The following ALPK2 variants were observed in gnomAD, a reference collection of about 807,000 sequenced individuals.
The protein encoded by ALPK2 is alpha kinase 2.
ALPK2 carries 127 observed loss-of-function variants against 163.1 expected under a neutral mutation model. That is an observed-to-expected ratio of 0.78 (90% CI 0.67 to 0.90). ALPK2 has a LOEUF of 0.90. Among genes scored for constraint, ALPK2 ranks in the 40% least tolerant of loss-of-function variants. The pLI is 0.00. For missense variants in ALPK2, 2,360 were observed against 2,589.6 expected, an observed-to-expected ratio of 0.91 and a Z score of 1.92; for synonymous variants, 953 against 959.1, an observed-to-expected ratio of 0.99 and a Z score of 0.12.
chr18:58,550,670 AC>A (rs1399273459), intron 4 of ALPK2, among the ~76,000 whole-genome samples: 9 of 150,926 alleles, frequency 6.0e-5, no homozygotes, highest in African/African-American at 7.3e-5. Flanking sequence ...ATCATGTACA[AC>A]CCCATCCCCA....
chr18:58,481,499 G>T lies in ALPK2; in HGVS notation c.*324C>A. The stretch of plus-strand genomic sequence containing the variant: ...AGACTCTTCTCAGCACCAGGTCCTC[G>T]ACAGCACAACCATGTGCAAATACAC... On this transcript the variant is annotated 3_prime_UTR_variant, in exon 13 of 13. Coordinates refer to ENST00000361673, the MANE Select transcript of ALPK2 (RefSeq NM_052947.4). 1 of 300,196 alleles carries T rather than the reference G, an allele frequency of 3.3e-6. No homozygotes were observed. The highest frequency in any genetic ancestry group is 6.3e-6 in the Non-Finnish European group (1 of 158,258). 18.6% of individuals were successfully genotyped at this position (300,196 alleles called of 1,614,324 possible). A position where few individuals can be genotyped will look rare whatever the true frequency, so the allele number is the denominator to read the frequency against.
At chr18:58,610,636 A>C (rs1239794769) in intron 2 of ALPK2, among the ~76,000 whole-genome samples, 2 of 152,166 alleles carry the variant, frequency 1.3e-5, no homozygotes, top group Non-Finnish European at 2.9e-5. Context: ...AGACTAATTT[A>C]GCCAGTTTTA....
intron 1 of ALPK2, among the ~76,000 whole-genome samples, chr18:58,613,757 CG>C (rs1344732455): frequency 6.7e-6 from 1 of 150,234 alleles, no homozygotes; most frequent in Non-Finnish European, 1.5e-5. Context: ...AATAAAAAGA[CG>C]GCACCCTTCT....
Position 58,481,814 on chromosome 18 carries a change from C to T in ALPK2, c.*9G>A. ...TGCTAGCCAGTGGCCATTAGGTTAC[C>T]CAGGGACGTTAGGTTTTCTTTTCGC... is the stretch of plus-strand genomic sequence containing the variant. On this transcript the variant is annotated 3_prime_UTR_variant, in exon 13 of 13. Coordinates refer to ENST00000361673, the MANE Select transcript of ALPK2 (RefSeq NM_052947.4). The T allele has an allele frequency of 6.2e-7, 1 of 1,611,120 alleles. No individual in the cohort carries two copies. Among genetic ancestry groups the T allele is most frequent in the South Asian group, 1.1e-5 (1 of 90,982 alleles).
At chr18:58,593,276 A>T (rs1210129572) in intron 3 of ALPK2, among the ~76,000 whole-genome samples, 1 of 152,198 alleles carries the variant, frequency 6.6e-6, no homozygotes. Context: ...TTTAAAAAGA[A>T]AAAAAGGGGC....
At position 58,537,279 on chromosome 18, in the gene ALPK2, C is replaced by T; in HGVS notation, c.2908G>A (p.Asp970Asn). Residue 970 changes from aspartate to asparagine, a missense_variant, in exon 5 of 13, where the codon GAC (aspartate) becomes AAC (asparagine). Asp to Asn is a conservative substitution (Grantham distance 23). Transcript: ENST00000361673. ...TAACTGGCTGGTGTGGCTGTGGTGTCTGCGGCACTAGGACTGGGGCTCTTG... is the reference window on the plus strand; with the variant it reads ...TAACTGGCTGGTGTGGCTGTGGTGTTTGCGGCACTAGGACTGGGGCTCTTG... ...GDKSPSPSAA[D>N]TTATPASYSS... is the part of the protein sequence containing the mutation. 1 of 1,614,182 alleles carries T rather than the reference C, an allele frequency of 6.2e-7. No homozygotes were observed. The highest frequency in any genetic ancestry group is 8.5e-7 in the Non-Finnish European group (1 of 1,180,020).
At chr18:58,492,969 C>T (rs1216868283) in intron 12 of ALPK2, among the ~76,000 whole-genome samples, 1 of 152,178 alleles carries the variant, frequency 6.6e-6, no homozygotes, top group Non-Finnish European at 1.5e-5. Context: ...ACCACTGTTC[C>T]CTTCAGACTT....
rs142343365 is a variant in ALPK2, at chr18:58,537,695, G to C, written c.2492C>G (p.Ser831Trp). Residue 831 changes from serine (S) to tryptophan (W), a missense_variant, in exon 5 of 13, where the codon TCG becomes TGG. Transcript: ENST00000361673. Reference protein sequence around the residue: ...SLVGRPVDKYSPQEICSVDTE... With the variant: ...SLVGRPVDKYWPQEICSVDTE... Reference sequence around the variant, plus strand: ...ATCTACAGAGCAAATTTCTTGAGGCGAATATTTATCAACTGGTCTCCCAAC... The same window carrying C: ...ATCTACAGAGCAAATTTCTTGAGGCCAATATTTATCAACTGGTCTCCCAAC... 2 of 1,613,910 alleles carry C rather than the reference G, an allele frequency of 1.2e-6. No homozygotes were observed. The highest frequency in any genetic ancestry group is 1.3e-5 in the African/African-American group (1 of 74,892).
At chr18:58,598,940 C>T (rs1230635947) in intron 3 of ALPK2, among the ~76,000 whole-genome samples, 2 of 152,158 alleles carry the variant, frequency 1.3e-5, no homozygotes, top group Non-Finnish European at 2.9e-5. Context: ...GTGACAGTGA[C>T]AGTTTTCAGT....
At chr18:58,559,083 C>A (rs1426929246) in intron 4 of ALPK2, among the ~76,000 whole-genome samples, 1 of 152,222 alleles carries the variant, frequency 6.6e-6, no homozygotes, top group East Asian at 1.9e-4. Context: ...TTGGACAGCA[C>A]TAATTTTAAT....
At chr18:58,614,371 A>C (rs990173812) in intron 1 of ALPK2, among the ~76,000 whole-genome samples, 2 of 152,194 alleles carry the variant, frequency 1.3e-5, no homozygotes, top group African/African-American at 4.8e-5. Flanking sequence ...TACATTTCCA[A>C]TTATTTTTGG....
At chr18:58,511,402 G>A (rs7233934) in intron 10 of ALPK2, among the ~76,000 whole-genome samples, 20,490 of 152,152 alleles carry the variant, frequency 0.13, 1,459 homozygotes, top group East Asian at 0.22. Context: ...TCTGTACAGC[G>A]GACAAGGTGA....
At chr18:58,595,095 A>C (rs2052034430) in intron 3 of ALPK2, among the ~76,000 whole-genome samples, 1 of 152,234 alleles carries the variant, frequency 6.6e-6, no homozygotes, top group African/African-American at 2.4e-5. Flanking sequence ...TGGGAGTCAC[A>C]GAAGGTGAAG....
At chr18:58,489,144 C>T (rs2051357667) in intron 12 of ALPK2, among the ~76,000 whole-genome samples, 1 of 152,014 alleles carries the variant, frequency 6.6e-6, no homozygotes, top group African/African-American at 2.4e-5. Context: ...AGAGTTCCTA[C>T]AGGAAAGATG....
intron 11 of ALPK2, among the ~76,000 whole-genome samples, 185 bp downstream of exon 11, chr18:58,503,746 T>C (rs932864074): frequency 2.0e-5 from 3 of 152,146 alleles, no homozygotes; most frequent in African/African-American, 7.2e-5. Context: ...GCCCTCTGGC[T>C]GGTTATTTCA....
intron 4 of ALPK2, chr18:58,566,363 T>G (rs1027485026): frequency 2.6e-5 from 4 of 152,230 alleles, no homozygotes; most frequent in Non-Finnish European, 5.9e-5. Context: ...GTTTATCTAC[T>G]TATGTACGGC....
At chr18:58,524,504 G>A (rs994088833) in intron 6 of ALPK2, among the ~76,000 whole-genome samples, 1 of 152,134 alleles carries the variant, frequency 6.6e-6, no homozygotes, top group Non-Finnish European at 1.5e-5. Context: ...GTGACTGAGG[G>A]CCCCTTTGTA....
At chr18:58,559,230 CA>C (rs2051811356) in intron 4 of ALPK2, among the ~76,000 whole-genome samples, 1 of 152,144 alleles carries the variant, frequency 6.6e-6, no homozygotes, top group Non-Finnish European at 1.5e-5. Flanking sequence ...TTTTGATAGC[CA>C]CAACTGGGGT....
intron 1 of ALPK2, among the ~76,000 whole-genome samples, chr18:58,613,955 T>G (rs2052150435): frequency 6.6e-6 from 1 of 152,148 alleles, no homozygotes; most frequent in African/African-American, 2.4e-5. Flanking sequence ...AAATATGGTG[T>G]GAACTGTATT....
Sources: allele counts gnomAD v4.1 joint callset (sites outside exome capture counted in the v4.1 genomes callset), GRCh38; gene constraint gnomAD v4.1.1; transcripts MANE v1.5; gene names NCBI Gene and HGNC (gene_info 2026-07-23, HGNC 2026-07-21).